The following COL28A1 variants were observed in gnomAD, a reference collection of about 807,000 sequenced individuals.
The protein encoded by COL28A1 is collagen type XXVIII alpha 1 chain.
A neutral mutation model predicts 150.2 loss-of-function variants in COL28A1; 161 were observed. That is an observed-to-expected ratio of 1.07 (90% CI 0.94 to 1.22). The LOEUF (loss-of-function observed/expected upper bound fraction) is 1.22. Among genes scored for constraint, COL28A1 ranks in the 50% most tolerant of loss-of-function variants. The pLI, the probability that COL28A1 is intolerant of heterozygous loss-of-function variation, is 0.00. For synonymous variants in COL28A1, 552 were observed against 469.7 expected, an observed-to-expected ratio of 1.18 and a Z score of -2.26; for missense variants, 1,617 against 1,388.3, an observed-to-expected ratio of 1.16 and a Z score of -2.62.
At chr7:7,344,507 T>A in the COL28A1 span, among the ~76,000 whole-genome samples, 1 of 152,152 alleles carries the variant, frequency 6.6e-6, no homozygotes, top group Non-Finnish European at 1.5e-5. Context: ...AACAGAAAAT[T>A]TGCAACAATA....
the COL28A1 span, among the ~76,000 whole-genome samples, chr7:7,542,979 T>C: frequency 6.6e-6 from 1 of 152,198 alleles, no homozygotes; most frequent in African/African-American, 2.4e-5. Flanking sequence ...TGCCAAAAAG[T>C]ATTTAATAAC....
rs557063321 is a variant in COL28A1 at position 7,380,803 on chromosome 7, C to T, written c.2265G>A (p.Glu755=). The T allele has an allele frequency of 1.2e-6, 2 of 1,613,688 alleles. No homozygotes were observed. Among genetic ancestry groups the T allele is most frequent in the Non-Finnish European group, 1.7e-6 (2 of 1,179,622 alleles). Residue 755 remains glutamate, a synonymous_variant, in exon 29 of 35, where the codon GAG becomes GAA. Coordinates refer to ENST00000399429, the MANE Select transcript of COL28A1 (RefSeq NM_001037763.3). ...GKKGDKGEIG[E]PGSPGKQGLQ... is the part of the protein sequence containing the mutation. ...TTGCCTGTTTTCCTGGAGATCCAGG[C>T]TCTCCAATTTCTCCTTTATCACCTT...
chr7:7,383,290 T>TG (rs1562512522), intron 27 of COL28A1, among the ~76,000 whole-genome samples: 14,156 of 122,452 alleles, frequency 0.12, 927 homozygotes, highest in East Asian at 0.25. Flanking sequence ...GTGTGTGTGT[T>TG]TTTTTTGAGA....
upstream of COL28A1, among the ~76,000 whole-genome samples, chr7:7,536,295 G>C (rs1782635173): frequency 6.6e-6 from 1 of 152,014 alleles, no homozygotes; most frequent in Non-Finnish European, 1.5e-5. Flanking sequence ...TCTAGTCTTT[G>C]TATTTCTGTG....
chr7:7,408,736 A>T (rs1783624402), intron 27 of COL28A1, among the ~76,000 whole-genome samples: 1 of 152,194 alleles, frequency 6.6e-6, no homozygotes, highest in Non-Finnish European at 1.5e-5. Flanking sequence ...TACTTAGGGA[A>T]AAAGAATTGC....
At chr7:7,341,992 T>C in the COL28A1 span, among the ~76,000 whole-genome samples, 3 of 152,168 alleles carry the variant, frequency 2.0e-5, no homozygotes, top group Non-Finnish European at 2.9e-5. Flanking sequence ...AAATATTCTA[T>C]TGCCTTAAAG....
At chr7:7,376,359 G>T (rs2128286287) in intron 30 of COL28A1, among the ~76,000 whole-genome samples, 1 of 152,332 alleles carries the variant, frequency 6.6e-6, no homozygotes, top group South Asian at 2.1e-4. Flanking sequence ...TCAAATCGAG[G>T]TGGAGGTGAT....
rs200518804 is a variant in COL28A1 at position 7,494,266 on chromosome 7, G to GT, written c.1027-3621dup. ...ATAGGAAATAGATTTTGGGGTTTGG[G>GT]TTTTTTTTTCGAACTCCTTTCCTCA... On this transcript the variant is annotated intron_variant, in intron 11 of 34. Coordinates refer to ENST00000399429, the MANE Select transcript of COL28A1 (RefSeq NM_001037763.3). 8.6e-5 allele frequency among the ~76,000 whole-genome samples: 13 copies of GT among 150,766 alleles called. No homozygotes were observed. The East Asian group carries it at 1.6e-3, about 18-fold the overall frequency.
chr7:7,390,825 A>T (rs1318357009), intron 27 of COL28A1, among the ~76,000 whole-genome samples: 1 of 152,082 alleles, frequency 6.6e-6, no homozygotes, highest in Non-Finnish European at 1.5e-5. Flanking sequence ...TTTCTGTGGG[A>T]TCAGCAGTGA....
intron 27 of COL28A1, among the ~76,000 whole-genome samples, chr7:7,388,011 C>T (rs7803541): frequency 0.56 from 85,067 of 151,892 alleles, 26,614 homozygotes; most frequent in South Asian, 0.7. Flanking sequence ...GTATTCATAC[C>T]AATTTCAGTT....
intron 15 of COL28A1, among the ~76,000 whole-genome samples, chr7:7,457,077 T>C (rs958238099): frequency 6.6e-6 from 1 of 152,070 alleles, no homozygotes; most frequent in Admixed American, 6.6e-5. Context: ...GGGAGAGCGG[T>C]AGACAATGAA....
At chr7:7,494,074 G>A (rs952257919) in intron 11 of COL28A1, among the ~76,000 whole-genome samples, 2 of 152,056 alleles carry the variant, frequency 1.3e-5, no homozygotes, top group African/African-American at 4.8e-5. Context: ...AGCGTGTGTG[G>A]AGGCAGCAAA....
chr7:7,474,546 G>A (rs1215697306), intron 15 of COL28A1, 55 bp downstream of exon 15: 1 of 846,376 alleles, frequency 1.2e-6, no homozygotes, highest in African/African-American at 1.7e-5. Context: ...CATACATAAA[G>A]AACAATGACA....
chr7:7,351,113 G>C, the COL28A1 span, among the ~76,000 whole-genome samples: 1 of 152,080 alleles, frequency 6.6e-6, no homozygotes, highest in East Asian at 1.9e-4. Flanking sequence ...ATCTGAGGTG[G>C]AATCCATAAG....
chr7:7,372,401 A>ATAAAT (rs1781281532), intron 32 of COL28A1, among the ~76,000 whole-genome samples: 1 of 128,664 alleles, frequency 7.8e-6, no homozygotes, highest in African/African-American at 4.0e-5. Context: ...CCGTCTCAAA[A>ATAAAT]TAAATAAATA....
chr7:7,351,047 G>C, the COL28A1 span, among the ~76,000 whole-genome samples: 1 of 152,142 alleles, frequency 6.6e-6, no homozygotes, highest in Non-Finnish European at 1.5e-5. Flanking sequence ...TAATTTCTCA[G>C]TTTTGTTCTA....
chr7:7,409,253 C>A (rs1783653905), intron 27 of COL28A1, among the ~76,000 whole-genome samples: 1 of 152,038 alleles, frequency 6.6e-6, no homozygotes, highest in African/African-American at 2.4e-5. Context: ...AAATTTTCAA[C>A]AATGAAATTC....
At chr7:7,505,960 T>C in intron 11 of COL28A1, 54 bp downstream of exon 11, 2 of 873,030 alleles carry the variant, frequency 2.3e-6, no homozygotes, top group Non-Finnish European at 4.0e-6. Flanking sequence ...TACATTACTA[T>C]AGCGCACTAG....
chr7:7,448,771 T>C (rs942184345), intron 18 of COL28A1, among the ~76,000 whole-genome samples: 10 of 152,002 alleles, frequency 6.6e-5, no homozygotes, highest in East Asian at 3.8e-4. Flanking sequence ...TATTCAGCAA[T>C]ACAAAGGAAT....
Sources: gnomAD v4.1 joint callset for allele counts (sites outside exome capture counted in the v4.1 genomes callset) on GRCh38, gnomAD v4.1.1 for gene constraint, MANE v1.5 for transcripts, NCBI Gene and HGNC (gene_info 2026-07-23, HGNC 2026-07-21) for gene names.